Variants in XKR5 observed in about 807,000 individuals in gnomAD.
XKR5 encodes XK-related protein 5.
Under a neutral mutation model 40.8 loss-of-function variants are expected in XKR5, and 46 were observed. That is an observed-to-expected ratio of 1.13 (90% CI 0.89 to 1.44). The LOEUF is 1.44. Among genes scored for constraint, XKR5 ranks in the 40% most tolerant of loss-of-function variants. The pLI is 0.00. For missense variants in XKR5, 1,169 were observed against 844.7 expected (o/e 1.38, Z -4.76); for synonymous variants, 466 against 356.1 (o/e 1.31, Z -3.48).
At chr8:6,825,530 T>C (rs1804425013) in intron 2 of XKR5, among the ~76,000 whole-genome samples, 181 bp from the exon 3 acceptor site, 1 of 151,472 alleles carries the variant, frequency 6.6e-6, no homozygotes, top group Non-Finnish European at 1.5e-5. Flanking sequence ...CACTTCTATG[T>C]AAGTTCCCCG....
At chr8:6,822,439 C>A (rs1466185834) in intron 4 of XKR5, among the ~76,000 whole-genome samples, 1 of 152,130 alleles carries the variant, frequency 6.6e-6, no homozygotes, top group Non-Finnish European at 1.5e-5. Flanking sequence ...CTATGTGGTG[C>A]AGCTTTAATT....
intron 2 of XKR5, among the ~76,000 whole-genome samples, chr8:6,832,350 C>T (rs932640821): frequency 2.0e-5 from 3 of 152,210 alleles, no homozygotes; most frequent in Non-Finnish European, 4.4e-5. Context: ...TAAACTATGC[C>T]ACCTTCCTGT....
In XKR5 at chr8:6,812,299, T is replaced by G. The variant is rs766310404; in HGVS notation, c.960A>C (p.Pro320=). 1.2e-5 allele frequency: 19 copies of G among 1,553,366 alleles called. No homozygotes were observed. Among genetic ancestry groups the G allele is most frequent in the Non-Finnish European group, 7.8e-6 (9 of 1,147,608 alleles). The change falls in exon 7 of 7, where the codon CCA becomes CCC. Residue 320 remains proline, a synonymous_variant. Transcript: ENST00000618742. ...SLVIYYSLLH[P]KSTDIWQGCL... ...AGCCCTGCCAGATGTCTGTGGATTT[T>G]GGATGCAGCAGGCTGTAATAAATTA... is the stretch of plus-strand genomic sequence containing the variant.
Position 6,821,937 on chromosome 8 carries a change from C to T in XKR5, c.739G>A (p.Val247Met), listed in dbSNP as rs1270033243. The T allele has an allele frequency of 1.2e-5, 20 of 1,612,770 alleles. No individual in the cohort carries two copies. The highest frequency in any genetic ancestry group is 5.3e-5 in the African/African-American group (4 of 74,904). Residue 247 changes from valine to methionine, a missense_variant, in exon 5 of 7, where the codon GTG (valine) becomes ATG (methionine). Physicochemically the swap from Val to Met is conservative, Grantham distance 21 (BLOSUM62 1). Coordinates refer to ENST00000618742, the MANE Select transcript of XKR5 (RefSeq NM_207411.5). ...WRLFNLLVGAVYILCYLSFWD... is the reference protein window; with the variant it reads ...WRLFNLLVGAMYILCYLSFWD... ...AAGCTGAGGTAGCAGAGGATGTACA[C>T]GGCCCCCACGAGCAGGTTGAACAGC...
At chr8:6,825,130 C>G (rs1269565248) in intron 3 of XKR5, 35 bp downstream of exon 3, 1 of 1,609,112 alleles carries the variant, frequency 6.2e-7, no homozygotes, top group South Asian at 1.1e-5. Flanking sequence ...CTTCGGCAGT[C>G]AGACAGTCTG....
intron 2 of XKR5, among the ~76,000 whole-genome samples, chr8:6,831,134 A>G (rs1482716124): frequency 1.3e-5 from 2 of 152,200 alleles, no homozygotes; most frequent in Non-Finnish European, 1.5e-5. Flanking sequence ...TACGACTGTG[A>G]TGGTCAAAGC....
At chr8:6,829,230 T>G (rs1189741979) in intron 2 of XKR5, 1 of 169,272 alleles carries the variant, frequency 5.9e-6, no homozygotes. Flanking sequence ...GAAAAATTGC[T>G]AAACCAAGGT....
chr8:6,823,677 T>C lies in XKR5; in HGVS notation c.481A>G (p.Thr161Ala), dbSNP rs575967239. 5.7e-5 allele frequency: 91 copies of C among 1,591,312 alleles called. 2 individuals are homozygous for C. In the South Asian group the frequency reaches 1.0e-3, roughly 17 times the overall value. ...SSLSWALVSY[T>A]RFMGFMKPGH... ...GGCTTCATGAAGCCCATGAAGCGAG[T>C]GTAGGACACCAGTGCCCAGGAGAGT... The change falls in exon 4 of 7, where the codon ACT (threonine) becomes GCT (alanine). Residue 161 changes from threonine to alanine, a missense_variant. Transcript: ENST00000618742.
At chr8:6,818,833 C>A (rs905511974) in intron 5 of XKR5, among the ~76,000 whole-genome samples, 6 of 152,222 alleles carry the variant, frequency 3.9e-5, no homozygotes, top group Admixed American at 1.3e-4. Context: ...CAGCAGAAAC[C>A]TCTGAACCAC....
At chr8:6,813,125 A>G (rs1258309333) in intron 6 of XKR5, among the ~76,000 whole-genome samples, 1 of 152,208 alleles carries the variant, frequency 6.6e-6, no homozygotes, top group African/African-American at 2.4e-5. Context: ...CAGAGCTAGA[A>G]AGACTGCCTG....
chr8:6,825,622 C>T (rs774657242), intron 2 of XKR5, among the ~76,000 whole-genome samples: 38 of 151,902 alleles, frequency 2.5e-4, no homozygotes, highest in Non-Finnish European at 3.5e-4. Flanking sequence ...TGAGCTGGAG[C>T]GGCTGCATGG....
At position 6,809,436 on chromosome 8, in the gene XKR5, G is replaced by C. The variant is rs992221842; in HGVS notation, c.*1762C>G. On this transcript the variant is annotated 3_prime_UTR_variant, in exon 7 of 7. Transcript: ENST00000618742. ...CTCGAGCAGCTGGGACTACAGGTGT[G>C]TGCCACCACACCAGGATAATTTATG... The C allele has an allele frequency of 6.6e-6, 1 of 152,092 alleles. No individual in the cohort carries two copies. Among genetic ancestry groups the C allele is most frequent in the Admixed American group, 6.5e-5 (1 of 15,272 alleles). 9.4% of individuals were successfully genotyped at this position (152,092 alleles called of 1,614,324 possible).
At chr8:6,815,154 G>A (rs1044426626) in intron 6 of XKR5, among the ~76,000 whole-genome samples, 1 of 152,246 alleles carries the variant, frequency 6.6e-6, no homozygotes, top group African/African-American at 2.4e-5. Flanking sequence ...GCTGTGCTGG[G>A]AGAGGAGGCT....
At chr8:6,834,654 G>A (rs1424493253) in intron 1 of XKR5, among the ~76,000 whole-genome samples, 1 of 151,980 alleles carries the variant, frequency 6.6e-6, no homozygotes, top group Non-Finnish European at 1.5e-5. Context: ...TCCCAAGGCG[G>A]CGTTCCCAGG....
chr8:6,826,837 C>T (rs766074129), intron 2 of XKR5, among the ~76,000 whole-genome samples: 31 of 152,006 alleles, frequency 2.0e-4, no homozygotes, highest in Non-Finnish European at 3.2e-4. Flanking sequence ...AACCAGGCAG[C>T]GGAGAGAGCT....
At chr8:6,821,430 G>A (rs554387851) in intron 5 of XKR5, among the ~76,000 whole-genome samples, 4 of 152,256 alleles carry the variant, frequency 2.6e-5, no homozygotes, top group South Asian at 2.1e-4. Context: ...AAATCTCTAC[G>A]GGACTCAAAG....
chr8:6,815,848 C>G lies in XKR5; in HGVS notation c.878G>C (p.Ser293Thr), dbSNP rs777959454. 1 of 1,605,850 alleles carries G rather than the reference C, an allele frequency of 6.2e-7. No individual in the cohort carries two copies. The highest frequency in any genetic ancestry group is 1.1e-5 in the South Asian group (1 of 89,116). Residue 293 changes from serine to threonine, a missense_variant, in exon 6 of 7, where the codon AGC becomes ACC. Ser to Thr is a moderately conservative substitution (Grantham distance 58). Coordinates refer to ENST00000618742, the MANE Select transcript of XKR5 (RefSeq NM_207411.5). ...CAGGACCCCAGCTATGGTCTGCAGG[C>G]TGGTCCACGATGCCCCCTGGAGAAA... Reference protein sequence around the residue: ...TDFLQGASWTSLQTIAGVLSG... With the variant: ...TDFLQGASWTTLQTIAGVLSG...
rs1291015083 is a variant in XKR5 at position 6,812,326 on chromosome 8, C to T, written c.933G>A (p.Leu311=). The T allele has an allele frequency of 1.3e-6, 2 of 1,546,746 alleles. No individual in the cohort carries two copies. The highest frequency in any genetic ancestry group is 4.0e-5 in the Admixed American group (2 of 50,208). ...LSGFLIGSVS[L]VIYYSLLHPK... is the part of the protein sequence containing the mutation. ...GATGCAGCAGGCTGTAATAAATTAC[C>T]AGTGAGACACTGCCTGAAAAAGAAC... Residue 311 remains leucine, a synonymous_variant, in exon 7 of 7, where the codon CTG becomes CTA. Coordinates refer to ENST00000618742, the MANE Select transcript of XKR5 (RefSeq NM_207411.5).
At chr8:6,818,955 T>C (rs1319088085) in intron 5 of XKR5, among the ~76,000 whole-genome samples, 12 of 152,190 alleles carry the variant, frequency 7.9e-5, no homozygotes, top group Non-Finnish European at 1.5e-5. Context: ...GGTGGGAGGA[T>C]CACTTGAGCC....
Sources: gnomAD v4.1 joint callset for allele counts (sites outside exome capture counted in the v4.1 genomes callset) on GRCh38, gnomAD v4.1.1 for gene constraint, MANE v1.5 for transcripts, NCBI Gene and HGNC (gene_info 2026-07-23, HGNC 2026-07-21) for gene names.